Variants in KCTD1 observed in about 807,000 individuals in gnomAD.
KCTD1 encodes the protein BTB/POZ domain-containing protein KCTD1.
Under a neutral mutation model 66.0 loss-of-function variants are expected in KCTD1, and 24 were observed. The observed-to-expected ratio is 0.36, with a 90% CI of 0.26 to 0.51. KCTD1 has a LOEUF of 0.51. Ranked by LOEUF, KCTD1 falls within the 20% of genes least tolerant of loss-of-function variation. The pLI is 0.95. For synonymous variants in KCTD1, 511 were observed against 517.2 expected (o/e 0.99, Z 0.16); for missense variants, 943 against 1,205.2 (o/e 0.78, Z 3.22).
Position 26,536,242 on chromosome 18 carries a change from G to A in KCTD1, c.1809+10486C>T, listed in dbSNP as rs530430659. ...TAATTAACATGTGAACTATGACAGG[G>A]TACCAGTTCTGGATTTTGTGGGATT... On this transcript the variant is annotated intron_variant, in intron 1 of 4. Coordinates refer to ENST00000580059, the MANE Select transcript of KCTD1 (RefSeq NM_001142730.3). 3.9e-5 allele frequency among the ~76,000 whole-genome samples: 6 copies of A among 152,286 alleles called. No homozygotes were observed. In the South Asian group the frequency reaches 1.0e-3, roughly 26 times the overall value.
intron 1 of KCTD1, among the ~76,000 whole-genome samples, chr18:26,628,753 G>A (rs991333636): frequency 6.6e-6 from 1 of 152,188 alleles, no homozygotes; most frequent in Admixed American, 6.5e-5. Flanking sequence ...TTTTGGGGAA[G>A]GGGTATGGGG....
chr18:26,525,178 G>T (rs1194958013), intron 1 of KCTD1, among the ~76,000 whole-genome samples: 1 of 152,128 alleles, frequency 6.6e-6, no homozygotes, highest in Non-Finnish European at 1.5e-5. Flanking sequence ...CTATCAGTAT[G>T]GACTTTCCAG....
intron 1 of KCTD1, chr18:26,581,174 G>A (rs929691813): frequency 6.6e-6 from 1 of 152,208 alleles, no homozygotes; most frequent in African/African-American, 2.4e-5. Flanking sequence ...AACAATTTGA[G>A]TATAATACAT....
chr18:26,557,212 C>T (rs913162620), intron 1 of KCTD1, among the ~76,000 whole-genome samples: 1 of 152,162 alleles, frequency 6.6e-6, no homozygotes, highest in Non-Finnish European at 1.5e-5. Flanking sequence ...GTTGAACTGT[C>T]AGAGTTTGAG....
chr18:26,466,657 A>G (rs944451770), intron 3 of KCTD1, among the ~76,000 whole-genome samples: 3 of 152,178 alleles, frequency 2.0e-5, no homozygotes, highest in Admixed American at 6.5e-5. Context: ...TTTTTATTGC[A>G]GCCTAAGGAG....
intron 1 of KCTD1, among the ~76,000 whole-genome samples, chr18:26,578,067 T>C (rs1433078860): frequency 6.9e-6 from 1 of 145,674 alleles, no homozygotes; most frequent in Non-Finnish European, 1.5e-5. Context: ...CTTTTTTTTT[T>C]TTTTTTTTTG....
intron 1 of KCTD1, among the ~76,000 whole-genome samples, chr18:26,568,952 A>T (rs1191210820): frequency 6.6e-6 from 1 of 152,214 alleles, no homozygotes; most frequent in Non-Finnish European, 1.5e-5. Flanking sequence ...AATTTGATTT[A>T]AGAGGAAGGG....
chr18:26,608,678 T>C (rs1457681004), intron 1 of KCTD1, among the ~76,000 whole-genome samples: 3 of 152,214 alleles, frequency 2.0e-5, no homozygotes, highest in Admixed American at 2.0e-4. Context: ...TTTCTGAATG[T>C]ATAATTAATC....
At chr18:26,461,837 TG>T (rs887248414) in intron 3 of KCTD1, among the ~76,000 whole-genome samples, 6 of 152,204 alleles carry the variant, frequency 3.9e-5, no homozygotes, top group African/African-American at 1.2e-4. Flanking sequence ...TCTTATCGGC[TG>T]GGCGTGGTGG....
At chr18:26,523,235 G>A (rs2144752034) in intron 1 of KCTD1, among the ~76,000 whole-genome samples, 1 of 152,228 alleles carries the variant, frequency 6.6e-6, no homozygotes, top group Admixed American at 6.5e-5. Flanking sequence ...GCTTCCAAGA[G>A]GACGGCACTG....
chr18:26,508,121 C>G (rs971800853), intron 1 of KCTD1, among the ~76,000 whole-genome samples: 3 of 152,076 alleles, frequency 2.0e-5, no homozygotes, highest in African/African-American at 7.2e-5. Flanking sequence ...TAGAATTCAC[C>G]AAATCTGACT....
At chr18:26,549,934 C>G (rs1200016378), upstream of KCTD1, 3 of 390,714 alleles carry the variant, frequency 7.7e-6, no homozygotes, top group Non-Finnish European at 1.0e-5. Context: ...GCCTCCCGCT[C>G]TCCCGGCCCA....
chr18:26,581,890 C>A (rs1264449081), intron 1 of KCTD1, among the ~76,000 whole-genome samples: 2 of 151,718 alleles, frequency 1.3e-5, no homozygotes, highest in Admixed American at 6.6e-5. Context: ...GTAAACTTAG[C>A]CATGATAAAC....
chr18:26,572,598 G>A (rs1986134833), intron 1 of KCTD1, among the ~76,000 whole-genome samples: 1 of 152,168 alleles, frequency 6.6e-6, no homozygotes, highest in African/African-American at 2.4e-5. Context: ...AGTGTGTGGG[G>A]TTATGGCAAT....
At chr18:26,595,545 G>A (rs556580) in intron 1 of KCTD1, among the ~76,000 whole-genome samples, 37,420 of 152,076 alleles carry the variant, frequency 0.25, 4,757 homozygotes, top group East Asian at 0.33. Context: ...GCAGAATGGA[G>A]GGGCTAGACT....
chr18:26,456,936 A>C (rs1980120423), intron 4 of KCTD1: 1 of 151,566 alleles, frequency 6.6e-6, no homozygotes, highest in Non-Finnish European at 1.5e-5. Flanking sequence ...AAAAAAAAAA[A>C]ACAAAACAAA....
chr18:26,540,184 G>C (rs1334610025), intron 1 of KCTD1, among the ~76,000 whole-genome samples: 1 of 152,180 alleles, frequency 6.6e-6, no homozygotes, highest in Non-Finnish European at 1.5e-5. Flanking sequence ...ATGATCACAA[G>C]CTCCCAAACT....
chr18:26,461,697 G>A (rs981170217), intron 3 of KCTD1, among the ~76,000 whole-genome samples: 3 of 152,194 alleles, frequency 2.0e-5, no homozygotes, highest in African/African-American at 4.8e-5. Flanking sequence ...TATTTACCAA[G>A]GAGATTTTAA....
Position 26,626,907 on chromosome 18 carries a change from G to T in KCTD1, c.-16+2240C>A, listed in dbSNP as rs1416926002. On this transcript the variant is annotated intron_variant, in intron 1 of 4. Coordinates refer to the KCTD1 transcript ENST00000317932. Reference sequence around the variant, plus strand: ...CCTGGTGGATTACAAGAACAGAAAGGAGCCACTACGGCTGAACAAAGGGCA... The same window carrying T: ...CCTGGTGGATTACAAGAACAGAAAGTAGCCACTACGGCTGAACAAAGGGCA... Among the ~76,000 whole-genome samples, 138 of 152,284 alleles carry T rather than the reference G, an allele frequency of 9.1e-4. 1 individual carries two copies. The highest frequency in any genetic ancestry group is 1.5e-5 in the Non-Finnish European group (1 of 68,026).
Sources: allele counts gnomAD v4.1 joint callset (sites outside exome capture counted in the v4.1 genomes callset), GRCh38; gene constraint gnomAD v4.1.1; transcripts MANE v1.5; gene names NCBI Gene and HGNC (gene_info 2026-07-23, HGNC 2026-07-21).